The following COL28A1 variants were observed in gnomAD, a reference collection of about 807,000 sequenced individuals.
The protein encoded by COL28A1 is collagen alpha-1(XXVIII) chain.
In COL28A1, 161 loss-of-function variants were observed where a neutral mutation model predicts 150.2. The ratio of observed to expected loss-of-function variants is 1.07; its 90% CI spans 0.94 to 1.22. The LOEUF is 1.22. COL28A1 is among the 50% of genes most tolerant of loss of function. COL28A1 has a pLI of 0.00. For synonymous variants in COL28A1, 552 were observed against 469.7 expected, an observed-to-expected ratio of 1.18 and a Z score of -2.26; for missense variants, 1,617 against 1,388.3, an observed-to-expected ratio of 1.16 and a Z score of -2.62.
In COL28A1 at chr7:7,478,824, T is replaced by C. The variant is rs372274951; in HGVS notation, c.1165-1644A>G. ...TCACTGCCCGGGGCGGCAGGGCCAG[T>C]CGGCTGCTCCAAGTGCGGGGCCCGC... On this transcript the variant is annotated intron_variant, in intron 13 of 34. Transcript: ENST00000399429. 4.6e-3 allele frequency among the ~76,000 whole-genome samples: 708 copies of C among 152,340 alleles called. 5 individuals carry two copies. The highest frequency in any genetic ancestry group is 0.022 in the East Asian group (114 of 5,174).
At chr7:7,404,600 G>T (rs939285315) in intron 27 of COL28A1, among the ~76,000 whole-genome samples, 1 of 151,976 alleles carries the variant, frequency 6.6e-6, no homozygotes. Flanking sequence ...CCACAAGGCT[G>T]TCTCCCTCAC....
rs995776213 is a variant in COL28A1 at position 7,372,985 on chromosome 7, T to G, written c.2908+13A>C. 1.9e-6 allele frequency: 3 copies of G among 1,606,350 alleles called. No individual in the cohort carries two copies. The highest frequency in any genetic ancestry group is 8.5e-7 in the Non-Finnish European group (1 of 1,175,732). ...ATAAATGCCTTTCCCCTGGGCCAGA[T>G]AGCCTTCCTTACCTTGCAGGGTAAA... On this transcript the variant is annotated intron_variant, in intron 32 of 34. Transcript: ENST00000399429.
intron 11 of COL28A1, among the ~76,000 whole-genome samples, chr7:7,498,281 T>C (rs1413750078): frequency 6.6e-6 from 1 of 152,158 alleles, no homozygotes. Flanking sequence ...GGAGAGCTTT[T>C]GAGAATCGCA....
rs61544045 is a variant in COL28A1 at position 7,381,734 on chromosome 7, A to AAT, written c.2137-124_2137-123dup. 1.8e-3 allele frequency: 1,080 copies of AAT among 606,762 alleles called. 1 individual carries two copies. The highest frequency in any genetic ancestry group is 8.2e-3 in the African/African-American group (434 of 53,090). The allele number at this position is 606,762 out of a possible 1,614,324, so 37.6% of individuals were successfully genotyped here. On this transcript the variant is annotated intron_variant, in intron 27 of 34. Transcript: ENST00000399429. ...ATAGTATTATCTAAATATTAGGGGA[A>AAT]ATATATATATATATGTATATAAATA... is the stretch of plus-strand genomic sequence containing the variant.
In COL28A1 at chr7:7,381,592, G is replaced by A. The variant is rs202213416; in HGVS notation, c.2157C>T (p.Gly719=). Reference sequence around the variant, plus strand: ...CCATTGTGCCCTTTGGGCCTGGGAAGCCTTGTGGTCCTTGTTCCCCCTACA... The same window carrying A: ...CCATTGTGCCCTTTGGGCCTGGGAAACCTTGTGGTCCTTGTTCCCCCTACA... The part of the protein sequence containing the change: ...QGIKGEQGPQ[G]FPGPKGTMGH... The change falls in exon 28 of 35, where the codon GGC becomes GGT. Residue 719 remains glycine (G), a synonymous_variant. Transcript: ENST00000399429. 2.0e-3 allele frequency: 3,169 copies of A among 1,613,694 alleles called. 6 individuals are homozygous for A. The highest frequency in any genetic ancestry group is 2.5e-3 in the Non-Finnish European group (2,942 of 1,179,556).
rs770478209 is a variant in COL28A1, at chr7:7,417,841, A to C, written c.2136+18T>G. On this transcript the variant is annotated intron_variant, in intron 27 of 34. Transcript: ENST00000399429. The stretch of plus-strand genomic sequence containing the variant: ...TGGTGAAATCAGAGGTGACTCCAGC[A>C]CAACCCTATTCACTTACTTTAATTC... 6.2e-7 allele frequency: 1 copy of C among 1,609,660 alleles called. No individual in the cohort carries two copies. The highest frequency in any genetic ancestry group is 1.1e-5 in the South Asian group (1 of 90,768).
chr7:7,438,858 C>T (rs1289501838), intron 21 of COL28A1, among the ~76,000 whole-genome samples: 2 of 152,260 alleles, frequency 1.3e-5, no homozygotes, highest in Non-Finnish European at 1.5e-5. Flanking sequence ...GAGCTATGAA[C>T]GGCTTTCACA....
At chr7:7,437,004 C>A (rs1051154497) in intron 22 of COL28A1, among the ~76,000 whole-genome samples, 4 of 152,196 alleles carry the variant, frequency 2.6e-5, no homozygotes, top group Non-Finnish European at 5.9e-5. Context: ...CAGCACTGCA[C>A]TCCAGCCTAG....
intron 8 of COL28A1, among the ~76,000 whole-genome samples, chr7:7,512,769 T>C (rs1188122158): frequency 2.0e-5 from 3 of 152,300 alleles, no homozygotes; most frequent in East Asian, 1.9e-4. Flanking sequence ...GGAAACACAA[T>C]TGGATATGTC....
intron 25 of COL28A1, among the ~76,000 whole-genome samples, chr7:7,430,981 C>T (rs547623835): frequency 1.3e-5 from 2 of 152,136 alleles, no homozygotes; most frequent in Non-Finnish European, 2.9e-5. Flanking sequence ...CATCATTACC[C>T]CCAGAAGCAG....
intron 22 of COL28A1, 64 bp downstream of exon 22, chr7:7,437,330 T>C: frequency 1.3e-6 from 2 of 1,548,076 alleles, no homozygotes; most frequent in South Asian, 1.3e-5. Context: ...ACTGGTATCA[T>C]GATTTTTTTT....
chr7:7,536,096 C>T (rs1000145803), upstream of COL28A1, among the ~76,000 whole-genome samples: 6 of 152,190 alleles, frequency 3.9e-5, no homozygotes, highest in East Asian at 1.2e-3. Flanking sequence ...CTTTTTTTCT[C>T]ATGCTATGTC....
chr7:7,408,654 T>C (rs1783620834), intron 27 of COL28A1, among the ~76,000 whole-genome samples: 1 of 152,178 alleles, frequency 6.6e-6, no homozygotes, highest in Non-Finnish European at 1.5e-5. Flanking sequence ...GATCCTGCTG[T>C]TGTTTTTCCT....
chr7:7,452,297 T>A, intron 18 of COL28A1, 22 bp downstream of exon 18: 3 of 1,598,156 alleles, frequency 1.9e-6, no homozygotes, highest in Non-Finnish European at 2.6e-6. Context: ...ATCATATCAC[T>A]TCTGAGCAGC....
At chr7:7,383,903 G>A (rs17167163) in intron 27 of COL28A1, among the ~76,000 whole-genome samples, 2,359 of 151,774 alleles carry the variant, frequency 0.016, 79 homozygotes, top group African/African-American at 0.054. Context: ...CTCTTACATC[G>A]AAACAAATAT....
chr7:7,420,126 C>A (rs1207343065), intron 25 of COL28A1, 173 bp from the exon 26 acceptor site: 6 of 398,280 alleles, frequency 1.5e-5, no homozygotes, highest in African/African-American at 2.1e-5. Flanking sequence ...ACCAACAGAT[C>A]CAGGTCCATT....
chr7:7,409,353 G>C (rs1276643020), intron 27 of COL28A1, among the ~76,000 whole-genome samples: 1 of 151,756 alleles, frequency 6.6e-6, no homozygotes, highest in Non-Finnish European at 1.5e-5. Flanking sequence ...TCTGTTACAA[G>C]AATGAAAAAA....
Position 7,471,143 on chromosome 7 carries a change from A to G in COL28A1, c.1302+3458T>C, listed in dbSNP as rs1355988345. On this transcript the variant is annotated intron_variant, in intron 15 of 34. Coordinates refer to ENST00000399429, the MANE Select transcript of COL28A1 (RefSeq NM_001037763.3). ...AAATAATTAAAAAAAAAAAAAAAAA[A>G]AGAAAAGATACAACCTTCCTAGCTT... 1.5e-4 allele frequency among the ~76,000 whole-genome samples: 22 copies of G among 148,154 alleles called. 1 individual carries two copies. Among genetic ancestry groups the G allele is most frequent in the African/African-American group, 4.9e-4 (20 of 40,588 alleles).
At chr7:7,386,771 C>G (rs1782209815) in intron 27 of COL28A1, among the ~76,000 whole-genome samples, 1 of 152,118 alleles carries the variant, frequency 6.6e-6, no homozygotes, top group Non-Finnish European at 1.5e-5. Flanking sequence ...TGGTGCTAGC[C>G]TGGGAAGGGA....
Sources: allele counts gnomAD v4.1 joint callset (sites outside exome capture counted in the v4.1 genomes callset), GRCh38; gene constraint gnomAD v4.1.1; transcripts MANE v1.5; gene names NCBI Gene and HGNC (gene_info 2026-07-23, HGNC 2026-07-21).